SMYD3: variants seen among roughly 807,000 people sequenced by gnomAD.
SMYD3 encodes histone-lysine N-methyltransferase SMYD3.
Under a neutral mutation model 57.7 loss-of-function variants are expected in SMYD3, and 36 were observed. The observed-to-expected ratio is 0.62, with a 90% confidence interval of 0.48 to 0.82. SMYD3 has a LOEUF of 0.82. Ranked by LOEUF, SMYD3 falls within the 40% of genes least tolerant of loss-of-function variation. The probability of loss-of-function intolerance (pLI) is 0.00; values close to 1 mark genes in which losing one functional copy is unlikely to be tolerated. For synonymous variants in SMYD3, 211 were observed against 195.0 expected (o/e 1.08, Z -0.68); for missense variants, 515 against 538.8 (o/e 0.96, Z 0.44).
intron 5 of SMYD3, among the ~76,000 whole-genome samples, chr1:246,000,874 C>T (rs2059028361): frequency 6.6e-6 from 1 of 152,190 alleles, no homozygotes; most frequent in Non-Finnish European, 1.5e-5. Flanking sequence ...TGACTTATGA[C>T]ATATGGAGTG....
At position 245,798,171 on chromosome 1, in the gene SMYD3, C is replaced by T. The variant is rs1015825254; in HGVS notation, c.1077-34022G>A. Among the ~76,000 whole-genome samples the T allele has an allele frequency of 2.0e-5, 3 of 152,030 alleles. No homozygotes were observed. The East Asian group carries it at 5.8e-4, about 30-fold the overall frequency. On this transcript the variant is annotated intron_variant, in intron 10 of 11. Transcript: ENST00000490107. ...AAAGCACAGAGGATTCTGCACTGAGCTGCTGCAGGCGAGCTCACTCCTACC... is the reference window on the plus strand; with the variant it reads ...AAAGCACAGAGGATTCTGCACTGAGTTGCTGCAGGCGAGCTCACTCCTACC...
At chr1:246,095,999 C>T (rs942661655) in intron 5 of SMYD3, among the ~76,000 whole-genome samples, 5 of 152,196 alleles carry the variant, frequency 3.3e-5, no homozygotes, top group African/African-American at 1.2e-4. Flanking sequence ...CACCTTCTAT[C>T]AAGCCATGAT....
intron 5 of SMYD3, among the ~76,000 whole-genome samples, chr1:246,230,514 A>C (rs1047708697): frequency 1.3e-5 from 2 of 152,184 alleles, no homozygotes; most frequent in African/African-American, 4.8e-5. Context: ...GAGATCCAAT[A>C]ATCAGTCCAA....
chr1:246,222,136 A>T lies in SMYD3; in HGVS notation c.531+105065T>A, dbSNP rs768367949. ...CAAACATAACTACAAGGAGTCTAAC[A>T]GATAAAATATCCACTGTTGTATTCA... On this transcript the variant is annotated intron_variant, in intron 5 of 11. Coordinates refer to ENST00000490107, the MANE Select transcript of SMYD3 (RefSeq NM_001167740.2). Among the ~76,000 whole-genome samples, 68 of 152,148 alleles carry T rather than the reference A, an allele frequency of 4.5e-4. 1 individual carries two copies. The highest frequency in any genetic ancestry group is 1.5e-3 in the Admixed American group (23 of 15,280).
chr1:246,313,880 A>AT (rs767126225), intron 5 of SMYD3, among the ~76,000 whole-genome samples: 4 of 152,240 alleles, frequency 2.6e-5, no homozygotes, highest in Admixed American at 2.0e-4. Context: ...AAGCACACCC[A>AT]ATAATGGCTT....
intron 5 of SMYD3, among the ~76,000 whole-genome samples, chr1:246,190,002 G>C (rs1053339374): frequency 3.9e-5 from 6 of 152,188 alleles, no homozygotes; most frequent in Admixed American, 6.5e-5. Flanking sequence ...TTTTTGTGGA[G>C]TCTAATTTAT....
intron 1 of SMYD3, among the ~76,000 whole-genome samples, chr1:246,489,614 C>T (rs1289518115): frequency 6.6e-6 from 1 of 152,118 alleles, no homozygotes; most frequent in African/African-American, 2.4e-5. Context: ...TCTAAAACAT[C>T]ATTAAAAACA....
chr1:246,200,766 A>AC (rs2062911064), intron 5 of SMYD3, among the ~76,000 whole-genome samples: 2 of 152,226 alleles, frequency 1.3e-5, no homozygotes, highest in South Asian at 4.1e-4. Flanking sequence ...GATTCTCCAA[A>AC]CAACCTTTTG....
At chr1:245,828,725 GACAGGGTCTCATGTCGCC>G (rs2049653173) in intron 10 of SMYD3, among the ~76,000 whole-genome samples, 1 of 142,812 alleles carries the variant, frequency 7.0e-6, no homozygotes, top group Admixed American at 7.0e-5. Flanking sequence ...TTTTTTTTGA[GACAGGGTCTCATGTCGCC>G]CAGGCTGGAG....
rs191890153 is a variant in SMYD3 at position 245,911,677 on chromosome 1, A to C, written c.813+3853T>G. On this transcript the variant is annotated intron_variant, in intron 8 of 11. Coordinates refer to ENST00000490107, the MANE Select transcript of SMYD3 (RefSeq NM_001167740.2). ...TGTTCTCACTCATACATGGGAACTA[A>C]AAAGAAGGTGATTTTATAGAGATAG... Among the ~76,000 whole-genome samples the C allele has an allele frequency of 7.9e-5, 12 of 152,164 alleles. No individual in the cohort carries two copies. The East Asian group carries it at 2.3e-3, about 29-fold the overall frequency.
Position 246,448,697 on chromosome 1 carries a change from T to C in SMYD3, c.164+58357A>G, listed in dbSNP as rs1402314069. Among the ~76,000 whole-genome samples the C allele has an allele frequency of 1.6e-4, 5 of 31,638 alleles. No individual in the cohort carries two copies. The East Asian group carries it at 1.9e-3, about 12-fold the overall frequency. 20.8% of individuals were successfully genotyped at this position (31,638 alleles called of 152,430 possible). A position where few individuals can be genotyped will look rare whatever the true frequency, so the allele number is the denominator to read the frequency against. ...GGGGAACACAGCAAGATCTCATCTC[T>C]TTTTTTTAAAAAAAAAAAAAAAAAA... On this transcript the variant is annotated intron_variant, in intron 1 of 11. Transcript: ENST00000490107.
intron 5 of SMYD3, among the ~76,000 whole-genome samples, chr1:246,258,673 G>C (rs1258920168): frequency 6.6e-6 from 1 of 152,094 alleles, no homozygotes; most frequent in African/African-American, 2.4e-5. Flanking sequence ...CACCGACCTT[G>C]AACAGTTTGG....
At chr1:246,150,532 G>T (rs2061924738) in intron 5 of SMYD3, among the ~76,000 whole-genome samples, 1 of 152,186 alleles carries the variant, frequency 6.6e-6, no homozygotes, top group African/African-American at 2.4e-5. Flanking sequence ...TGGTTAAAAT[G>T]ACTTATTACT....
intron 11 of SMYD3, among the ~76,000 whole-genome samples, chr1:245,761,850 A>C (rs1198537008): frequency 6.7e-6 from 1 of 148,652 alleles, no homozygotes; most frequent in South Asian, 2.1e-4. Context: ...CAATGGTGCA[A>C]TCTTGGCTCA....
intron 5 of SMYD3, among the ~76,000 whole-genome samples, chr1:246,190,359 G>C (rs1356868012): frequency 1.3e-5 from 2 of 152,144 alleles, no homozygotes; most frequent in African/African-American, 4.8e-5. Context: ...GGCCAAGGAG[G>C]GTGGATCACA....
intron 3 of SMYD3, among the ~76,000 whole-genome samples, chr1:246,333,345 C>A (rs116629326): frequency 0.041 from 6,233 of 152,056 alleles, 421 homozygotes; most frequent in African/African-American, 0.14. Flanking sequence ...TCAGTCTTGG[C>A]AAAGAATTTA....
At chr1:245,813,860 C>CTATATATATA (rs6143718) in intron 10 of SMYD3, among the ~76,000 whole-genome samples, 54 of 147,004 alleles carry the variant, frequency 3.7e-4, no homozygotes, top group African/African-American at 1.4e-3. Flanking sequence ...TCATGGAGCC[C>CTATATATATA]TATATATATA....
chr1:246,200,380 G>A (rs2062898981), intron 5 of SMYD3, among the ~76,000 whole-genome samples: 1 of 148,314 alleles, frequency 6.7e-6, no homozygotes, highest in African/African-American at 2.5e-5. Context: ...TACAGAGGAT[G>A]GAGAACAGCG....
chr1:246,482,072 C>T (rs755385592), intron 1 of SMYD3, among the ~76,000 whole-genome samples: 3 of 151,862 alleles, frequency 2.0e-5, no homozygotes, highest in Non-Finnish European at 2.9e-5. Flanking sequence ...GTAGGAGGGT[C>T]ATTTAAGCCC....
Sources: gnomAD v4.1 joint callset for allele counts (sites outside exome capture counted in the v4.1 genomes callset) on GRCh38, gnomAD v4.1.1 for gene constraint, MANE v1.5 for transcripts, NCBI Gene and HGNC (gene_info 2026-07-23, HGNC 2026-07-21) for gene names.